EBNA1BP2: variants seen among roughly 807,000 people sequenced by gnomAD.
EBNA1BP2 encodes the protein probable rRNA-processing protein EBP2.
In EBNA1BP2, 36 loss-of-function variants were observed where a neutral mutation model predicts 43.5. That is an observed-to-expected ratio of 0.83 (90% CI 0.63 to 1.09). EBNA1BP2 has a LOEUF of 1.09. EBNA1BP2 is among the 50% of genes least tolerant of loss of function. The probability of loss-of-function intolerance (pLI) is 0.00; values close to 1 mark genes in which losing one functional copy is unlikely to be tolerated. For missense variants in EBNA1BP2, 332 were observed against 379.1 expected (o/e 0.88, Z 1.03); for synonymous variants, 127 against 141.3 (o/e 0.90, Z 0.72).
In EBNA1BP2 at chr1:43,164,717, C is replaced by T. The variant is rs181497889; in HGVS notation, c.796G>A (p.Asp266Asn). 1.3e-5 allele frequency: 21 copies of T among 1,614,226 alleles called. No individual in the cohort carries two copies. ...GSKWNTRESY[D>N]DVSSFRAKTA... Reference sequence around the variant, plus strand: ...TTGGCCCGGAAGCTAGATACATCATCATAGCTCTCCCGAGTGTTCCACTTT... The same window carrying T: ...TTGGCCCGGAAGCTAGATACATCATTATAGCTCTCCCGAGTGTTCCACTTT... The change falls in exon 8 of 9, where the codon GAT becomes AAT. Residue 266 changes from aspartate (D) to asparagine (N), a missense_variant. Physicochemically the swap from Asp to Asn is conservative, Grantham distance 23. This residue lies in a region of EBNA1BP2 where 59 missense variants were observed against 53.3 expected (regional missense o/e 1.11). Transcript: ENST00000236051.
In EBNA1BP2 at chr1:43,164,309, T is replaced by A; in HGVS notation, c.*134A>T. 7.9e-6 allele frequency: 8 copies of A among 1,008,840 alleles called. No individual in the cohort carries two copies. Among genetic ancestry groups the A allele is most frequent in the Non-Finnish European group, 1.2e-5 (8 of 674,230 alleles). 62.5% of individuals were successfully genotyped at this position (1,008,840 alleles called of 1,614,324 possible). Reference sequence around the variant, plus strand: ...TAGACTATTTAACCAAAGGTATGTGTTCCTTTAATAATTTTTCTTTAGTTT... The same window carrying A: ...TAGACTATTTAACCAAAGGTATGTGATCCTTTAATAATTTTTCTTTAGTTT... On this transcript the variant is annotated 3_prime_UTR_variant, in exon 9 of 9. Transcript: ENST00000236051.
Position 43,164,307 on chromosome 1 carries a change from T to C in EBNA1BP2, c.*136A>G. Reference sequence around the variant, plus strand: ...TCTAGACTATTTAACCAAAGGTATGTGTTCCTTTAATAATTTTTCTTTAGT... The same window carrying C: ...TCTAGACTATTTAACCAAAGGTATGCGTTCCTTTAATAATTTTTCTTTAGT... On this transcript the variant is annotated 3_prime_UTR_variant, in exon 9 of 9. Transcript: ENST00000236051. 1.0e-6 allele frequency: 1 copy of C among 967,004 alleles called. No individual in the cohort carries two copies. Among genetic ancestry groups the C allele is most frequent in the Non-Finnish European group, 1.6e-6 (1 of 637,560 alleles). 59.9% of individuals were successfully genotyped at this position (967,004 alleles called of 1,614,324 possible). A position where few individuals can be genotyped will look rare whatever the true frequency, so the allele number is the denominator to read the frequency against.
chr1:43,172,225 A>C lies in EBNA1BP2; in HGVS notation c.-107T>G, dbSNP rs1569740806. ...CGCTGCTGCCTGCCTTCAGCCCCCT[A>C]CTCCCACGCCGTGGCTCCACGTGCC... On this transcript the variant is annotated 5_prime_UTR_variant, in exon 1 of 9. Transcript: ENST00000236051. 1 of 1,575,008 alleles carries C rather than the reference A, an allele frequency of 6.3e-7. No homozygotes were observed. The highest frequency in any genetic ancestry group is 1.1e-5 in the South Asian group (1 of 87,460).
chr1:43,172,419 C>T (rs1305259001), upstream of EBNA1BP2: 2 of 1,551,188 alleles, frequency 1.3e-6, no homozygotes, highest in African/African-American at 1.4e-5. Context: ...CCTCTGGATA[C>T]ATGCGTGGTC....
In EBNA1BP2 at chr1:43,164,672, G is replaced by A. The variant is rs1644906653; in HGVS notation, c.841C>T (p.Leu281Phe). The change falls in exon 8 of 9, where the codon CTC becomes TTC. Residue 281 changes from leucine (L) to phenylalanine (F), a missense_variant. Physicochemically the swap from Leu to Phe is conservative, Grantham distance 22 (BLOSUM62 0). Around this residue, in one of 3 missense-constraint regions of EBNA1BP2, gnomAD observed 59 missense variants for 53.3 expected, o/e 1.11. Coordinates refer to ENST00000236051, the MANE Select transcript of EBNA1BP2 (RefSeq NM_006824.3). Reference protein sequence around the residue: ...FRAKTAHGRGLKRPGKKGSNK... With the variant: ...FRAKTAHGRGFKRPGKKGSNK... ...GACCCTTTCTTGCCAGGCCTCTTGAGGCCTCTGCCATGAGCTGTCTTGGCC... is the reference window on the plus strand; with the variant it reads ...GACCCTTTCTTGCCAGGCCTCTTGAAGCCTCTGCCATGAGCTGTCTTGGCC... 1.2e-5 allele frequency: 20 copies of A among 1,614,224 alleles called. No homozygotes were observed. The highest frequency in any genetic ancestry group is 1.7e-5 in the Non-Finnish European group (20 of 1,180,022).
chr1:43,164,544 C>T, intron 8 of EBNA1BP2, 51 bp from the exon 9 acceptor site: 1 of 1,613,982 alleles, frequency 6.2e-7, no homozygotes, highest in Non-Finnish European at 8.5e-7. Flanking sequence ...TGCCTTCTGC[C>T]CCAGGGTGAG....
At chr1:43,172,310 C>A, upstream of EBNA1BP2, 1 of 1,551,776 alleles carries the variant, frequency 6.4e-7, no homozygotes, top group Non-Finnish European at 8.7e-7. Context: ...TTGGGACTTC[C>A]GCTTCCGGCG....
chr1:43,164,994 T>G (rs1644908936), intron 7 of EBNA1BP2, among the ~76,000 whole-genome samples, 189 bp from the exon 8 acceptor site: 1 of 152,088 alleles, frequency 6.6e-6, no homozygotes, highest in African/African-American at 2.4e-5. Flanking sequence ...GCTCACCTAT[T>G]TACAGTTTTG....
chr1:43,167,539 G>A (rs918924162), intron 5 of EBNA1BP2, among the ~76,000 whole-genome samples: 10 of 152,182 alleles, frequency 6.6e-5, no homozygotes, highest in African/African-American at 1.2e-4. Flanking sequence ...GACCCAGGCT[G>A]TTTGACTCCA....
At chr1:43,170,254 T>C (rs1644946466) in intron 4 of EBNA1BP2, among the ~76,000 whole-genome samples, 1 of 152,204 alleles carries the variant, frequency 6.6e-6, no homozygotes, top group South Asian at 2.1e-4. Context: ...GAGGGCTGAA[T>C]GTATGTTGGA....
chr1:43,172,549 C>G, upstream of EBNA1BP2: 1 of 695,814 alleles, frequency 1.4e-6, no homozygotes, highest in Non-Finnish European at 2.0e-6. Context: ...TGGGGTGGCG[C>G]GGAGGAGGAC....
At position 43,171,985 on chromosome 1, in the gene EBNA1BP2, A is replaced by C. The variant is rs372569601; in HGVS notation, c.67-16T>G. 23 of 1,614,034 alleles carry C rather than the reference A, an allele frequency of 1.4e-5. No individual in the cohort carries two copies. The African/African-American group carries it at 3.1e-4, about 22-fold the overall frequency. ...CATCCTGCAACTGCAGGACACAATC[A>C]CGGTCACTCCCAGGGGTGTAAGGCC... On this transcript the variant is annotated splice_polypyrimidine_tract_variant and intron_variant, in intron 1 of 8. Coordinates refer to ENST00000236051, the MANE Select transcript of EBNA1BP2 (RefSeq NM_006824.3).
chr1:43,169,370 C>T (rs1340980376), intron 4 of EBNA1BP2, among the ~76,000 whole-genome samples: 1 of 152,178 alleles, frequency 6.6e-6, no homozygotes, highest in Non-Finnish European at 1.5e-5. Context: ...GTGTCCTTTT[C>T]TAGTATACCA....
intron 5 of EBNA1BP2, among the ~76,000 whole-genome samples, chr1:43,167,946 A>G (rs1169387885): frequency 6.6e-6 from 1 of 152,160 alleles, no homozygotes; most frequent in African/African-American, 2.4e-5. Flanking sequence ...AGGCAGTCAC[A>G]GAAAACTCTT....
intron 3 of EBNA1BP2, 132 bp from the exon 4 acceptor site, chr1:43,171,011 A>T: frequency 1.5e-6 from 2 of 1,295,860 alleles, no homozygotes; most frequent in Non-Finnish European, 2.0e-6. Context: ...GAACAAACAA[A>T]CAAAAACTGT....
At chr1:43,170,439 G>C (rs1644948430) in intron 4 of EBNA1BP2, among the ~76,000 whole-genome samples, 1 of 152,256 alleles carries the variant, frequency 6.6e-6, no homozygotes, top group Non-Finnish European at 1.5e-5. Context: ...AAGGGCACAA[G>C]AATGCTGTCC....
intron 1 of EBNA1BP2, 37 bp downstream of exon 1, chr1:43,172,011 CCCTCT>C (rs781271307): frequency 1.9e-6 from 3 of 1,614,152 alleles, no homozygotes; most frequent in Non-Finnish European, 2.5e-6. Flanking sequence ...GTGTAAGGCC[CCCTCT>C]CCCACGCCCA....
Position 43,164,713 on chromosome 1 carries a change from T to G in EBNA1BP2, c.800A>C (p.Asp267Ala). 1.9e-6 allele frequency: 3 copies of G among 1,614,206 alleles called. No homozygotes were observed. In the South Asian group the frequency reaches 3.3e-5, roughly 18 times the overall value. ...TGTCTTGGCCCGGAAGCTAGATACA[T>G]CATCATAGCTCTCCCGAGTGTTCCA... Reference protein sequence around the residue: ...SKWNTRESYDDVSSFRAKTAH... With the variant: ...SKWNTRESYDAVSSFRAKTAH... Residue 267 changes from aspartate to alanine, a missense_variant, in exon 8 of 9, where the codon GAT becomes GCT. By Grantham distance (126) the Asp-to-Ala change is moderately radical. Around this residue, in one of 3 missense-constraint regions of EBNA1BP2, gnomAD observed 59 missense variants for 53.3 expected, o/e 1.11. Transcript: ENST00000236051.
chr1:43,170,832 T>C lies in EBNA1BP2; in HGVS notation c.371A>G (p.His124Arg). The change falls in exon 4 of 9, where the codon CAT (histidine) becomes CGT (arginine). Residue 124 changes from histidine (H) to arginine (R), a missense_variant. His to Arg is a conservative substitution (Grantham distance 29). Coordinates refer to ENST00000236051, the MANE Select transcript of EBNA1BP2 (RefSeq NM_006824.3). The part of the protein sequence containing the change: ...AAVLAVLPRL[H>R]QLKVPTKRPT... Reference sequence around the variant, plus strand: ...TCGCTTCGTAGGGACTTTGAGCTGATGGAGGCGGGGTAAGACTGCAAGCAC... The same window carrying C: ...TCGCTTCGTAGGGACTTTGAGCTGACGGAGGCGGGGTAAGACTGCAAGCAC... The C allele has an allele frequency of 6.2e-7, 1 of 1,605,236 alleles. No individual in the cohort carries two copies. The highest frequency in any genetic ancestry group is 1.7e-5 in the Admixed American group (1 of 58,394).
Sources: gnomAD v4.1 joint callset for allele counts (sites outside exome capture counted in the v4.1 genomes callset) on GRCh38, gnomAD v4.1.1 for gene constraint, gnomAD v4.1.1 regional missense constraint, MANE v1.5 for transcripts, NCBI Gene and HGNC (gene_info 2026-07-23, HGNC 2026-07-21) for gene names.